FILIP1L: variants seen among roughly 807,000 people sequenced by gnomAD.
FILIP1L encodes the protein filamin A interacting protein 1 like, also known as filamin A-interacting protein 1-like.
In FILIP1L, 55 loss-of-function variants were observed where a neutral mutation model predicts 96.6. That is an observed-to-expected ratio of 0.57 (90% confidence interval 0.46 to 0.71). FILIP1L has a LOEUF of 0.71. Among genes scored for constraint, FILIP1L ranks in the 30% least tolerant of loss-of-function variants. The pLI, the probability that FILIP1L is intolerant of heterozygous loss-of-function variation, is 0.00. For missense variants in FILIP1L, 1,304 were observed against 1,321.2 expected (o/e 0.99, Z 0.20); for synonymous variants, 467 against 473.9 (o/e 0.99, Z 0.19).
chr3:99,954,931 C>T (rs967558684), intron 1 of FILIP1L, among the ~76,000 whole-genome samples: 3 of 152,180 alleles, frequency 2.0e-5, no homozygotes, highest in African/African-American at 7.2e-5. Flanking sequence ...AATAAGCCCA[C>T]AATAAATGTT....
chr3:99,835,378 T>C (rs558939939), intron 5 of FILIP1L, among the ~76,000 whole-genome samples: 2 of 152,384 alleles, frequency 1.3e-5, no homozygotes, highest in South Asian at 4.1e-4. Flanking sequence ...GTAGTTCTTT[T>C]AGATCACCTG....
intron 1 of FILIP1L, among the ~76,000 whole-genome samples, chr3:100,079,619 C>T (rs2065901224): frequency 6.6e-6 from 1 of 152,118 alleles, no homozygotes; most frequent in Non-Finnish European, 1.5e-5. Context: ...GGTGTGGAAT[C>T]AGAATCCTCT....
At chr3:99,863,531 A>G (rs1355621536) in intron 4 of FILIP1L, among the ~76,000 whole-genome samples, 2 of 152,246 alleles carry the variant, frequency 1.3e-5, no homozygotes, top group Admixed American at 1.3e-4. Flanking sequence ...TCTTCAGAAG[A>G]AAATACAAAG....
intron 4 of FILIP1L, among the ~76,000 whole-genome samples, chr3:99,871,700 T>C (rs1022016216): frequency 3.9e-5 from 6 of 152,136 alleles, no homozygotes; most frequent in Non-Finnish European, 8.8e-5. Flanking sequence ...GCAAAATGCT[T>C]AGCTGGAAGA....
At chr3:99,878,345 C>T (rs1244075921) in intron 4 of FILIP1L, among the ~76,000 whole-genome samples, 1 of 152,220 alleles carries the variant, frequency 6.6e-6, no homozygotes, top group African/African-American at 2.4e-5. Context: ...TGATATGATC[C>T]ATTCTTTTCA....
chr3:99,968,702 G>C (rs1473444447), intron 1 of FILIP1L, among the ~76,000 whole-genome samples: 1 of 152,092 alleles, frequency 6.6e-6, no homozygotes, highest in Non-Finnish European at 1.5e-5. Flanking sequence ...AGACTGGAAA[G>C]GAAAAAACAG....
chr3:99,989,726 G>T (rs1709457917), intron 1 of FILIP1L, among the ~76,000 whole-genome samples: 1 of 149,680 alleles, frequency 6.7e-6, no homozygotes, highest in Admixed American at 6.7e-5. Flanking sequence ...AAGGAACAAA[G>T]TAAGGTAATC....
intron 1 of FILIP1L, among the ~76,000 whole-genome samples, chr3:100,018,538 A>G (rs1165118668): frequency 4.6e-5 from 7 of 152,138 alleles, no homozygotes; most frequent in Non-Finnish European, 1.0e-4. Flanking sequence ...ATCTCACACC[A>G]TCTACGAAAA....
intron 5 of FILIP1L, chr3:99,833,102 A>G: frequency 1.4e-6 from 1 of 737,804 alleles, no homozygotes; most frequent in Non-Finnish European, 2.3e-6. Context: ...ATCAAAGAGC[A>G]GATGTCTTGG....
chr3:99,893,349 T>G (rs890066198), intron 4 of FILIP1L, among the ~76,000 whole-genome samples: 4 of 152,100 alleles, frequency 2.6e-5, no homozygotes, highest in Middle Eastern at 3.4e-3. Flanking sequence ...GTATTTTTAG[T>G]GGAGACGGGG....
At chr3:100,025,168 A>G (rs2064896022) in intron 1 of FILIP1L, among the ~76,000 whole-genome samples, 1 of 152,162 alleles carries the variant, frequency 6.6e-6, no homozygotes, top group African/African-American at 2.4e-5. Flanking sequence ...AAAAGAGAGA[A>G]AGGCTGAGTG....
intron 4 of FILIP1L, among the ~76,000 whole-genome samples, chr3:99,905,807 G>T (rs2107633020): frequency 6.6e-6 from 1 of 152,320 alleles, no homozygotes; most frequent in South Asian, 2.1e-4. Flanking sequence ...TAATGGAAAT[G>T]CAACTTCATA....
chr3:100,021,969 G>A (rs2064833020), intron 1 of FILIP1L, among the ~76,000 whole-genome samples: 1 of 116,938 alleles, frequency 8.6e-6, no homozygotes, highest in Non-Finnish European at 1.9e-5. Flanking sequence ...GTGAGAGAGA[G>A]AGAGAGAGAG....
At chr3:99,984,048 A>ATGTGTGTGTGTGTGTGTGTGTGTGTG (rs367846393) in intron 1 of FILIP1L, among the ~76,000 whole-genome samples, 2,472 of 147,656 alleles carry the variant, frequency 0.017, 35 homozygotes, top group African/African-American at 0.024. Flanking sequence ...AAGGATGTAT[A>ATGTGTGTGTGTGTGTGTGTGTGTGTG]TGTATGTGTG....
intron 1 of FILIP1L, among the ~76,000 whole-genome samples, chr3:100,069,109 T>C (rs1425000528): frequency 6.6e-6 from 1 of 152,234 alleles, no homozygotes; most frequent in Admixed American, 6.5e-5. Flanking sequence ...AAACTAGTTT[T>C]GTTCCATTTA....
At chr3:99,853,866 A>C (rs1363763582) in intron 4 of FILIP1L, among the ~76,000 whole-genome samples, 1 of 152,196 alleles carries the variant, frequency 6.6e-6, no homozygotes, top group Non-Finnish European at 1.5e-5. Flanking sequence ...TATGCAGAAA[A>C]AACTATACCC....
intron 3 of FILIP1L, among the ~76,000 whole-genome samples, chr3:99,928,212 C>T (rs1707358161): frequency 6.6e-6 from 1 of 152,220 alleles, no homozygotes; most frequent in Admixed American, 6.5e-5. Context: ...AAATCCTAGG[C>T]AGAATTCCCC....
chr3:100,004,564 A>T (rs1001868946), intron 1 of FILIP1L, among the ~76,000 whole-genome samples: 2 of 152,186 alleles, frequency 1.3e-5, no homozygotes, highest in Non-Finnish European at 2.9e-5. Flanking sequence ...GTAGTCAATT[A>T]TAAGGTCAAA....
intron 1 of FILIP1L, among the ~76,000 whole-genome samples, chr3:99,946,051 C>A (rs1353230022): frequency 6.6e-6 from 1 of 152,164 alleles, no homozygotes; most frequent in Non-Finnish European, 1.5e-5. Context: ...AGATAAAGTT[C>A]TTGAAATTAT....
Sources: allele counts gnomAD v4.1 joint callset (sites outside exome capture counted in the v4.1 genomes callset), GRCh38; gene constraint gnomAD v4.1.1; transcripts MANE v1.5; gene names NCBI Gene and HGNC (gene_info 2026-07-23, HGNC 2026-07-21).